The following ACTR3C variants were observed in gnomAD, a reference collection of about 807,000 sequenced individuals.
ACTR3C encodes the protein actin related protein 3C, also known as actin-related protein 3C.
A neutral mutation model predicts 26.3 loss-of-function variants in ACTR3C; 18 were observed. The ratio of observed to expected loss-of-function variants is 0.68; its 90% CI spans 0.47 to 1.01. ACTR3C has a LOEUF of 1.01. Among genes scored for constraint, ACTR3C ranks in the 50% least tolerant of loss-of-function variants. The pLI is 0.00. For missense variants in ACTR3C, 184 were observed against 250.7 expected (o/e 0.73, Z 1.80); for synonymous variants, 55 against 94.5 (o/e 0.58, Z 2.42).
the ACTR3C span, among the ~76,000 whole-genome samples, chr7:149,946,973 C>T: frequency 1.5e-4 from 22 of 150,528 alleles, no homozygotes; most frequent in Admixed American, 1.4e-3. Flanking sequence ...GTGTGGGAAG[C>T]AGTGTATCTG....
the ACTR3C span, among the ~76,000 whole-genome samples, chr7:150,154,163 T>G: frequency 6.6e-6 from 1 of 151,034 alleles, no homozygotes; most frequent in South Asian, 2.1e-4. Flanking sequence ...GCATGGCACA[T>G]GTATACATAT....
At chr7:150,188,966 A>G in the ACTR3C span, among the ~76,000 whole-genome samples, 2 of 148,642 alleles carry the variant, frequency 1.3e-5, no homozygotes, top group Admixed American at 1.3e-4. Context: ...CTCTGCATAT[A>G]TATGTATATA....
At chr7:150,023,338 C>CATACATACATAG in the ACTR3C span, among the ~76,000 whole-genome samples, 1,186 of 45,740 alleles carry the variant, frequency 0.026, 32 homozygotes, top group South Asian at 0.041. Flanking sequence ...TACATACATA[C>CATACATACATAG]ATATATATTT....
chr7:150,093,113 A>G, the ACTR3C span, among the ~76,000 whole-genome samples: 6 of 151,464 alleles, frequency 4.0e-5, no homozygotes, highest in Non-Finnish European at 7.4e-5. Flanking sequence ...AAATGGGGAC[A>G]GGAATATCTG....
At chr7:150,137,796 A>C in the ACTR3C span, among the ~76,000 whole-genome samples, 2 of 152,286 alleles carry the variant, frequency 1.3e-5, no homozygotes, top group East Asian at 3.9e-4. Flanking sequence ...ATGAAGGAAG[A>C]GCATTCCAAG....
chr7:150,246,241 G>C (rs1311959903), downstream of ACTR3C: 1 of 152,196 alleles, frequency 6.6e-6, no homozygotes, highest in African/African-American at 2.4e-5. Context: ...GGGATAGTTG[G>C]CTGTGTGTTT....
chr7:150,091,186 A>T, the ACTR3C span, among the ~76,000 whole-genome samples: 1 of 141,030 alleles, frequency 7.1e-6, no homozygotes. Context: ...GTGAAGCATC[A>T]GGGATGGCTC....
chr7:150,084,952 G>A, the ACTR3C span, among the ~76,000 whole-genome samples: 1 of 152,072 alleles, frequency 6.6e-6, no homozygotes, highest in African/African-American at 2.4e-5. Context: ...TGGATTAGGG[G>A]TATATTTTGG....
At chr7:150,227,756 A>C in the ACTR3C span, among the ~76,000 whole-genome samples, 2 of 134,656 alleles carry the variant, frequency 1.5e-5, no homozygotes, top group Non-Finnish European at 3.1e-5. Context: ...TTTTGAAAAG[A>C]CTTTTTTTTT....
At chr7:150,012,315 A>ATTTTTTTT in the ACTR3C span, among the ~76,000 whole-genome samples, 6 of 91,994 alleles carry the variant, frequency 6.5e-5, no homozygotes, top group African/African-American at 2.5e-4. Flanking sequence ...TTATAAATGC[A>ATTTTTTTT]TCTTTTTTTT....
the ACTR3C span, among the ~76,000 whole-genome samples, chr7:149,919,198 C>T: frequency 6.5e-4 from 99 of 151,678 alleles, no homozygotes; most frequent in Non-Finnish European, 1.1e-3. Context: ...ATAATACTCA[C>T]GCTTTCTTTT....
the ACTR3C span, among the ~76,000 whole-genome samples, chr7:150,196,833 T>C: frequency 2.0e-5 from 3 of 152,196 alleles, no homozygotes; most frequent in African/African-American, 7.2e-5. Flanking sequence ...TTTAGGATAT[T>C]CTTCTTTGTT....
the ACTR3C span, among the ~76,000 whole-genome samples, chr7:149,931,582 C>T: frequency 2.0e-5 from 3 of 152,160 alleles, no homozygotes; most frequent in Non-Finnish European, 4.4e-5. Flanking sequence ...TAAGGAGCTG[C>T]TTCATGGAGC....
chr7:150,046,202 C>T, the ACTR3C span, among the ~76,000 whole-genome samples: 1 of 151,914 alleles, frequency 6.6e-6, no homozygotes, highest in Non-Finnish European at 1.5e-5. Flanking sequence ...AACCACATCT[C>T]CCACAAAGTT....
At chr7:150,271,272 GT>G in intron 6 of ACTR3C, among the ~76,000 whole-genome samples, 1 of 146,342 alleles carries the variant, frequency 6.8e-6, no homozygotes, top group African/African-American at 2.7e-5. Context: ...ACGTGCCACG[GT>G]GGTTTGCTGC....
At chr7:150,308,539 T>C (rs184353257) in intron 1 of ACTR3C, among the ~76,000 whole-genome samples, 10 of 152,184 alleles carry the variant, frequency 6.6e-5, no homozygotes, top group African/African-American at 2.4e-4. Context: ...CCAATGCAGC[T>C]CATCCCAAAT....
At chr7:150,206,345 A>G in the ACTR3C span, among the ~76,000 whole-genome samples, 1 of 152,314 alleles carries the variant, frequency 6.6e-6, no homozygotes, top group Admixed American at 6.5e-5. Context: ...CTTGGTCTGT[A>G]TCTAGGAGAA....
the ACTR3C span, chr7:150,047,584 TC>T: frequency 1.0e-6 from 1 of 995,300 alleles, no homozygotes; most frequent in Non-Finnish European, 1.2e-6. Context: ...CCCGCCGCCG[TC>T]CCCCGCCCCC....
chr7:150,246,619 A>G (rs1832478824), downstream of ACTR3C: 1 of 152,250 alleles, frequency 6.6e-6, no homozygotes, highest in Non-Finnish European at 1.5e-5. Flanking sequence ...TGTGGATTTT[A>G]AAGACAAGTA....
Sources: gnomAD v4.1 joint callset for allele counts (sites outside exome capture counted in the v4.1 genomes callset) on GRCh38, gnomAD v4.1.1 for gene constraint, MANE v1.5 for transcripts, NCBI Gene and HGNC (gene_info 2026-07-23, HGNC 2026-07-21) for gene names.